LINGO1: variants seen among roughly 807,000 people sequenced by gnomAD.
The protein encoded by LINGO1 is leucine rich repeat and Ig domain containing 1.
LINGO1 carries 11 observed loss-of-function variants against 37.3 expected under a neutral mutation model. The observed-to-expected ratio is 0.29, with a 90% CI of 0.19 to 0.49. LINGO1 has a LOEUF of 0.49. LINGO1 is among the 20% of genes least tolerant of loss of function. LINGO1 has a pLI of 0.99. For synonymous variants in LINGO1, 387 were observed against 403.0 expected (o/e 0.96, Z 0.48); for missense variants, 585 against 878.2 (o/e 0.67, Z 4.22).
At chr15:77,777,188 G>A (rs1329944418) in intron 1 of LINGO1, among the ~76,000 whole-genome samples, 1 of 152,174 alleles carries the variant, frequency 6.6e-6, no homozygotes, top group African/African-American at 2.4e-5. Context: ...GGATAGTGAG[G>A]ATCAAATATT....
At chr15:77,755,243 C>A (rs1453764996) in intron 1 of LINGO1, among the ~76,000 whole-genome samples, 1 of 152,226 alleles carries the variant, frequency 6.6e-6, no homozygotes, top group African/African-American at 2.4e-5. Context: ...AGGGAGGTGA[C>A]CCCAGGGATC....
chr15:77,680,025 G>A (rs1350348737), intron 2 of LINGO1, among the ~76,000 whole-genome samples: 1 of 152,204 alleles, frequency 6.6e-6, no homozygotes, highest in Non-Finnish European at 1.5e-5. Flanking sequence ...AGTTAGTTGG[G>A]CCATATGAGA....
intron 1 of LINGO1, among the ~76,000 whole-genome samples, chr15:77,768,537 G>A (rs913096036): frequency 6.6e-6 from 1 of 152,212 alleles, no homozygotes; most frequent in Admixed American, 6.5e-5. Context: ...CCAGGTCTGT[G>A]ACAGGGGAGC....
chr15:77,738,862 C>T (rs12324636), intron 1 of LINGO1, among the ~76,000 whole-genome samples: 3,722 of 152,210 alleles, frequency 0.024, 175 homozygotes, highest in African/African-American at 0.085. Context: ...GACTCCGAAG[C>T]CTGTGTTCTT....
intron 1 of LINGO1, among the ~76,000 whole-genome samples, chr15:77,800,662 G>A (rs1020982801): frequency 2.0e-5 from 3 of 152,186 alleles, no homozygotes; most frequent in African/African-American, 7.2e-5. Context: ...GCGTTTATAT[G>A]CCAGACATTA....
intron 2 of LINGO1, among the ~76,000 whole-genome samples, chr15:77,792,759 G>A (rs1843319706): frequency 6.6e-6 from 1 of 152,228 alleles, no homozygotes; most frequent in African/African-American, 2.4e-5. Context: ...CAATGCCATG[G>A]TCTAACCTAT....
intron 3 of LINGO1, among the ~76,000 whole-genome samples, chr15:77,653,129 A>G (rs918972185): frequency 1.3e-5 from 2 of 152,218 alleles, no homozygotes; most frequent in African/African-American, 2.4e-5. Flanking sequence ...AGGAAAAGTG[A>G]CTTGCCCAAG....
Position 77,735,322 on chromosome 15 carries a change from C to T in LINGO1, c.-256-269G>A, listed in dbSNP as rs74027304. Among the ~76,000 whole-genome samples, 580 of 152,330 alleles carry T rather than the reference C, an allele frequency of 3.8e-3. 3 individuals are homozygous for T. Among genetic ancestry groups the T allele is most frequent in the Middle Eastern group, 0.014 (4 of 294 alleles). On this transcript the variant is annotated intron_variant, in intron 1 of 3. Transcript: ENST00000561686. ...TGGGATTCAGGCACCCGCACAGCCCCGGAGGACATACAAACTAGACTTGCA... is the reference window on the plus strand; with the variant it reads ...TGGGATTCAGGCACCCGCACAGCCCTGGAGGACATACAAACTAGACTTGCA...
chr15:77,741,453 G>C (rs928708312), intron 1 of LINGO1, among the ~76,000 whole-genome samples: 1 of 152,172 alleles, frequency 6.6e-6, no homozygotes, highest in Non-Finnish European at 1.5e-5. Flanking sequence ...GGATACAGCA[G>C]AGGCCAGGGC....
intron 1 of LINGO1, among the ~76,000 whole-genome samples, chr15:77,754,225 A>G: frequency 7.0e-6 from 1 of 143,274 alleles, no homozygotes; most frequent in African/African-American, 2.6e-5. Context: ...GGGAAGGAAA[A>G]GAGGAAAGGA....
At chr15:77,785,297 T>G (rs2141434066) in intron 1 of LINGO1, among the ~76,000 whole-genome samples, 1 of 152,096 alleles carries the variant, frequency 6.6e-6, no homozygotes, top group East Asian at 1.9e-4. Flanking sequence ...GTTCACACAT[T>G]TTGGCTGAAG....
Position 77,812,315 on chromosome 15 carries a change from C to A in LINGO1, c.-458+7943G>T, listed in dbSNP as rs148385975. 5.3e-5 allele frequency among the ~76,000 whole-genome samples: 8 copies of A among 152,332 alleles called. No individual in the cohort carries two copies. The East Asian group carries it at 1.3e-3, about 26-fold the overall frequency. ...CATCCTCTTGGAGCCTCAGAATACC[C>A]CTACCGGTGGAGCAGAAATGATGAC... On this transcript the variant is annotated intron_variant, in intron 1 of 5. Transcript: ENST00000562933.
At chr15:77,742,794 G>A (rs1302254861) in intron 1 of LINGO1, among the ~76,000 whole-genome samples, 2 of 152,340 alleles carry the variant, frequency 1.3e-5, no homozygotes, top group Admixed American at 6.5e-5. Flanking sequence ...CTTTGGCAGA[G>A]ACTGTAGAAG....
intron 1 of LINGO1, among the ~76,000 whole-genome samples, chr15:77,815,775 T>C (rs570272159): frequency 2.0e-4 from 30 of 152,036 alleles, no homozygotes; most frequent in African/African-American, 6.0e-4. Context: ...AGAGACGTGG[T>C]TTATATCGCA....
In LINGO1 at chr15:77,744,981, G is replaced by A. The variant is rs960542254; in HGVS notation, c.-256-9928C>T. On this transcript the variant is annotated intron_variant, in intron 1 of 3. Transcript: ENST00000561686. ...AAAAAAAAAAAAAATAGCCGGGCAT[G>A]GTGGTACACACTTGTAATCCCAGCT... is the stretch of plus-strand genomic sequence containing the variant. Among the ~76,000 whole-genome samples, 7 of 151,990 alleles carry A rather than the reference G, an allele frequency of 4.6e-5. No individual in the cohort carries two copies. In the East Asian group the frequency reaches 1.2e-3, roughly 25 times the overall value.
chr15:77,752,565 A>G (rs1221035213), intron 1 of LINGO1, among the ~76,000 whole-genome samples: 1 of 152,206 alleles, frequency 6.6e-6, no homozygotes, highest in Non-Finnish European at 1.5e-5. Flanking sequence ...TGGATGGGAA[A>G]GATTACAGGT....
chr15:77,686,735 A>G (rs567295649), intron 2 of LINGO1, among the ~76,000 whole-genome samples: 17 of 152,168 alleles, frequency 1.1e-4, no homozygotes, highest in Non-Finnish European at 2.2e-4. Flanking sequence ...AGCCTCCTCA[A>G]TGGCCCCTGC....
At chr15:77,653,772 G>C (rs981920419) in intron 3 of LINGO1, among the ~76,000 whole-genome samples, 9 of 152,080 alleles carry the variant, frequency 5.9e-5, no homozygotes, top group African/African-American at 2.2e-4. Context: ...CCATCTGAAA[G>C]AGATGGCTCG....
At chr15:77,744,927 C>T (rs1016937134) in intron 1 of LINGO1, among the ~76,000 whole-genome samples, 10 of 149,410 alleles carry the variant, frequency 6.7e-5, no homozygotes, top group Non-Finnish European at 1.0e-4. Flanking sequence ...ACCGGCCTGG[C>T]CAACATGGTG....
Sources: allele counts gnomAD v4.1 joint callset (sites outside exome capture counted in the v4.1 genomes callset), GRCh38; gene constraint gnomAD v4.1.1; transcripts MANE v1.5; gene names NCBI Gene and HGNC (gene_info 2026-07-23, HGNC 2026-07-21).